The following SLC12A4 variants were observed in gnomAD, a reference collection of about 807,000 sequenced individuals.
SLC12A4 encodes the protein electroneutral potassium-chloride cotransporter 1.
SLC12A4 carries 84 observed loss-of-function variants against 119.2 expected under a neutral mutation model. That is an observed-to-expected ratio of 0.70 (90% CI 0.59 to 0.85). SLC12A4 has a LOEUF of 0.85. Among genes scored for constraint, SLC12A4 ranks in the 40% least tolerant of loss-of-function variants. The pLI is 0.00. For missense variants in SLC12A4, 1,298 were observed against 1,476.3 expected (o/e 0.88, Z 1.98); for synonymous variants, 599 against 604.6 (o/e 0.99, Z 0.14).
rs2030339343 is a variant in SLC12A4, at chr16:67,957,620, G to A, written c.544+122C>T. ...CTACGTGGGCACTGTCCTGGCATCAGGGATTGGGAGCCCACTACAGAACTG... is the reference window on the plus strand; with the variant it reads ...CTACGTGGGCACTGTCCTGGCATCAAGGATTGGGAGCCCACTACAGAACTG... On this transcript the variant is annotated intron_variant, in intron 5 of 23. Coordinates refer to ENST00000316341, the MANE Select transcript of SLC12A4 (RefSeq NM_005072.5). 5 of 1,078,944 alleles carry A rather than the reference G, an allele frequency of 4.6e-6. No individual in the cohort carries two copies. In the East Asian group the frequency reaches 9.8e-5, roughly 21 times the overall value. 66.8% of individuals were successfully genotyped at this position (1,078,944 alleles called of 1,614,324 possible). A position where few individuals can be genotyped will look rare whatever the true frequency, so the allele number is the denominator to read the frequency against.
At chr16:67,947,174 C>T (rs1409103063) in intron 16 of SLC12A4, 69 bp from the exon 17 acceptor site, 1 of 1,528,338 alleles carries the variant, frequency 6.5e-7, no homozygotes, top group Non-Finnish European at 8.8e-7. Flanking sequence ...CCTCTTCTTC[C>T]CTTCTCGGGT....
intron 17 of SLC12A4, 83 bp from the exon 18 acceptor site, chr16:67,946,716 A>AC: frequency 2.0e-6 from 3 of 1,486,028 alleles, no homozygotes; most frequent in Middle Eastern, 2.1e-4. Context: ...CGGGAACAAA[A>AC]CGACTTTTGG....
chr16:67,958,775 G>A (rs2030409918), intron 3 of SLC12A4, among the ~76,000 whole-genome samples: 1 of 152,046 alleles, frequency 6.6e-6, no homozygotes, highest in African/African-American at 2.4e-5. Flanking sequence ...AGAATGTGCT[G>A]GACTCTGCCT....
In SLC12A4 at chr16:67,945,442, C is replaced by G. The variant is rs751070629; in HGVS notation, c.2959G>C (p.Asp987His). The G allele has an allele frequency of 6.2e-7, 1 of 1,614,112 alleles. No individual in the cohort carries two copies. Among genetic ancestry groups the G allele is most frequent in the South Asian group, 1.1e-5 (1 of 91,084 alleles). ...TCCCAGGTCTCAGTCATGTACTTGT[C>G]CCTGGTCCACGTCATCTGGATCTTG... ...ADKIQMTWTR[D>H]KYMTETWDPS... Residue 987 changes from aspartate (D) to histidine (H), a missense_variant, in exon 22 of 24, where the codon GAC (aspartate) becomes CAC (histidine). Transcript: ENST00000316341.
rs2058392316 is a variant in SLC12A4, at chr16:67,949,771, T to C, written c.1748+29A>G. On this transcript the variant is annotated intron_variant, in intron 13 of 23. Transcript: ENST00000316341. This position sits in a 1 kb window ranked among gnomAD's most constrained non-coding sequence, Gnocchi z 4.6. ...CTGGGGTTCAGGAAGCCTTTCCCCA[T>C]CCCCCTGCCCTGCCCGGCCCCAGCT... 6.1e-6 allele frequency: 9 copies of C among 1,481,410 alleles called. No individual in the cohort carries two copies. In the Admixed American group the frequency reaches 7.7e-5, roughly 13 times the overall value. The allele number at this position is 1,481,410 out of a possible 1,614,324, so 91.8% of individuals were successfully genotyped here.
intron 1 of SLC12A4, chr16:67,964,183 C>T (rs1288012154): frequency 8.6e-6 from 11 of 1,275,780 alleles, no homozygotes; most frequent in Admixed American, 8.1e-5. Flanking sequence ...GAAAGTCGGA[C>T]GGGTGGGTGT....
chr16:67,962,540 T>G lies in SLC12A4; in HGVS notation c.211-834A>C, dbSNP rs566805096. The G allele has an allele frequency of 2.6e-5, 4 of 152,318 alleles. No homozygotes were observed. In the South Asian group the frequency reaches 8.3e-4, roughly 32 times the overall value. The allele number at this position is 152,318 out of a possible 1,614,324, so 9.4% of individuals were successfully genotyped here. ...AGGAAGACGAGGGCCCTTGGGGGCA[T>G]GTGGAGATTAAGGAGCCTCGGCCAG... On this transcript the variant is annotated intron_variant, in intron 2 of 23. Coordinates refer to ENST00000316341, the MANE Select transcript of SLC12A4 (RefSeq NM_005072.5).
At chr16:67,958,682 C>T (rs2030403047) in intron 3 of SLC12A4, among the ~76,000 whole-genome samples, 1 of 152,094 alleles carries the variant, frequency 6.6e-6, no homozygotes, top group African/African-American at 2.4e-5. Flanking sequence ...AACTCCTTGG[C>T]TTGGGCCACC....
intron 21 of SLC12A4, 43 bp downstream of exon 21, chr16:67,945,721 G>C: frequency 6.3e-7 from 1 of 1,586,326 alleles, no homozygotes; most frequent in Non-Finnish European, 8.6e-7. Flanking sequence ...CCAAAGGCCT[G>C]ACCCTGCCAC....
intron 5 of SLC12A4, chr16:67,957,459 G>A (rs1598224309): frequency 1.3e-5 from 5 of 382,246 alleles, no homozygotes; most frequent in South Asian, 8.6e-5. Context: ...ATGAGCCACC[G>A]CGCCTGGCCT....
Position 67,946,605 on chromosome 16 carries a change from T to A in SLC12A4, c.2270A>T (p.Lys757Met), listed in dbSNP as rs745840434. ...QTIKNMMEIE[K>M]VKGFCQVVVA... ...CACCACCTGGCAGAAGCCCTTCACC[T>A]TCTCAATTTCCATCATGTTCTTGAT... Residue 757 changes from lysine (K) to methionine (M), a missense_variant, in exon 18 of 24, where the codon AAG becomes ATG. Lys to Met is a moderately conservative substitution (Grantham distance 95). Transcript: ENST00000316341. 9.9e-6 allele frequency: 16 copies of A among 1,612,808 alleles called. No homozygotes were observed. In the South Asian group the frequency reaches 1.5e-4, roughly 15 times the overall value.
rs1479986015 is a variant in SLC12A4 at position 67,947,769 on chromosome 16, T to C, written c.1867A>G (p.Met623Val). Reference sequence around the variant, plus strand: ...AACATAAGGGCCAGGCAGAGACTCATGCCCAGGAAGGACAGCGCCCTGGAC... The same window carrying C: ...AACATAAGGGCCAGGCAGAGACTCACGCCCAGGAAGGACAGCGCCCTGGAC... ...YYHWALSFLGMSLCLALMFVS... is the reference protein window; with the variant it reads ...YYHWALSFLGVSLCLALMFVS... Residue 623 changes from methionine to valine, a missense_variant, in exon 15 of 24, where the codon ATG becomes GTG. Coordinates refer to ENST00000316341, the MANE Select transcript of SLC12A4 (RefSeq NM_005072.5). The C allele has an allele frequency of 6.3e-7, 1 of 1,599,256 alleles. No individual in the cohort carries two copies. Among genetic ancestry groups the C allele is most frequent in the Admixed American group, 1.7e-5 (1 of 57,770 alleles).
chr16:67,949,815 G>GCCA lies in SLC12A4; in HGVS notation c.1730_1732dup (p.Val577dup). On this transcript the variant is annotated inframe_insertion, in exon 13 of 24. Transcript: ENST00000316341. The surrounding 1 kb of genome is among the most constrained non-coding windows in gnomAD (Gnocchi z 4.6). ...CCCAGCTCACATGGATAAGATGGGG[G>GCCA]CCACCATGTCGAGGGAGGCGATGAG... 6.2e-7 allele frequency: 1 copy of GCCA among 1,609,526 alleles called. No individual in the cohort carries two copies. The highest frequency in any genetic ancestry group is 8.5e-7 in the Non-Finnish European group (1 of 1,177,544).
chr16:67,957,363 G>A (rs909614126), intron 5 of SLC12A4, among the ~76,000 whole-genome samples: 3 of 151,976 alleles, frequency 2.0e-5, no homozygotes, highest in Admixed American at 2.0e-4. Flanking sequence ...TAGAGATGGG[G>A]TTTCACCGTG....
At position 67,944,975 on chromosome 16, in the gene SLC12A4, C is replaced by T. The variant is rs756252212; in HGVS notation, c.3167-44G>A. The T allele has an allele frequency of 6.2e-7, 1 of 1,611,948 alleles. No homozygotes were observed. Among genetic ancestry groups the T allele is most frequent in the East Asian group, 2.2e-5 (1 of 44,844 alleles). Reference sequence around the variant, plus strand: ...AGGAGGCAACAACAGAATCAACGGGCAACCCGGGCCACCTGGGCCATGCCC... The same window carrying T: ...AGGAGGCAACAACAGAATCAACGGGTAACCCGGGCCACCTGGGCCATGCCC... On this transcript the variant is annotated intron_variant, in intron 23 of 23. Coordinates refer to ENST00000316341, the MANE Select transcript of SLC12A4 (RefSeq NM_005072.5). This position sits in a 1 kb window ranked among gnomAD's most constrained non-coding sequence, Gnocchi z 6.6.
At position 67,961,632 on chromosome 16, in the gene SLC12A4, G is replaced by A. The variant is rs115480814; in HGVS notation, c.285C>T (p.Gly95=). 312 of 1,614,154 alleles carry A rather than the reference G, an allele frequency of 1.9e-4. 1 individual carries two copies. Among genetic ancestry groups the A allele is most frequent in the Middle Eastern group, 6.6e-4 (4 of 6,062 alleles). Residue 95 remains glycine, a synonymous_variant, in exon 3 of 24, where the codon GGC becomes GGT. Coordinates refer to ENST00000316341, the MANE Select transcript of SLC12A4 (RefSeq NM_005072.5). ...TCTCGGCCTCCTCATGCTCTTTGGC[G>A]CCCTGGGTGAGGTTGGTGTAGCTGA... ...KLVSYTNLTQ[G]AKEHEEAESG... is the part of the protein sequence containing the mutation.
At chr16:67,959,186 T>G (rs1266934334) in intron 3 of SLC12A4, among the ~76,000 whole-genome samples, 1 of 151,858 alleles carries the variant, frequency 6.6e-6, no homozygotes, top group Non-Finnish European at 1.5e-5. Context: ...CAGGGCAGAG[T>G]AGGGGCCAGC....
At chr16:67,953,578 T>TG (rs968554357) in intron 6 of SLC12A4, among the ~76,000 whole-genome samples, 1 of 152,120 alleles carries the variant, frequency 6.6e-6, no homozygotes, top group African/African-American at 2.4e-5. Flanking sequence ...CTTGGGATGA[T>TG]GAAAATGTTC....
intron 3 of SLC12A4, among the ~76,000 whole-genome samples, chr16:67,960,923 G>C (rs559127900): frequency 1.3e-5 from 2 of 151,922 alleles, no homozygotes; most frequent in East Asian, 3.9e-4. Context: ...AGGAACCCAG[G>C]GGGTTGTTGG....
Sources: allele counts gnomAD v4.1 joint callset (sites outside exome capture counted in the v4.1 genomes callset), GRCh38; gene constraint gnomAD v4.1.1; non-coding constraint Gnocchi (gnomAD v3.1); transcripts MANE v1.5; gene names NCBI Gene and HGNC (gene_info 2026-07-23, HGNC 2026-07-21).